Variants in ERG observed in about 807,000 individuals in gnomAD.
ERG encodes the protein ETS transcription factor ERG, also known as transcriptional regulator ERG.
In ERG, 9 loss-of-function variants were observed where a neutral mutation model predicts 55.3. The ratio of observed to expected loss-of-function variants is 0.16; its 90% CI spans 0.10 to 0.28. The LOEUF (loss-of-function observed/expected upper bound fraction) is 0.28, where lower values mean the gene tolerates loss of function less well. ERG is among the 10% of genes least tolerant of loss of function. ERG has a pLI of 1.00. For missense variants in ERG, 434 were observed against 631.6 expected, an observed-to-expected ratio of 0.69 and a Z score of 3.35; for synonymous variants, 223 against 237.3, an observed-to-expected ratio of 0.94 and a Z score of 0.55.
At chr21:38,418,285 G>GTGTGTGTGTC (rs1989375613) in intron 3 of ERG, among the ~76,000 whole-genome samples, 1 of 151,006 alleles carries the variant, frequency 6.6e-6, no homozygotes, top group Admixed American at 6.6e-5. Context: ...GTGTGTGTGT[G>GTGTGTGTGTC]TGTGTGTGTG....
At chr21:38,472,680 G>C (rs1270615940) in intron 1 of ERG, among the ~76,000 whole-genome samples, 1 of 152,100 alleles carries the variant, frequency 6.6e-6, no homozygotes, top group Non-Finnish European at 1.5e-5. Flanking sequence ...TCAGGAGGGA[G>C]AAAAAAGAAA....
chr21:38,412,979 A>C (rs1487559533), intron 3 of ERG, among the ~76,000 whole-genome samples: 1 of 152,128 alleles, frequency 6.6e-6, no homozygotes, highest in Non-Finnish European at 1.5e-5. Context: ...TTTCTGTATT[A>C]ATTTCTCAGC....
intron 2 of ERG, among the ~76,000 whole-genome samples, chr21:38,533,926 G>T (rs969881892): frequency 6.6e-6 from 1 of 152,058 alleles, no homozygotes; most frequent in East Asian, 1.9e-4. Context: ...GGGGAGTTAC[G>T]ATGTAAATAG....
intron 1 of ERG, among the ~76,000 whole-genome samples, chr21:38,593,204 G>C (rs1415931750): frequency 6.6e-6 from 1 of 152,146 alleles, no homozygotes; most frequent in Admixed American, 6.5e-5. Flanking sequence ...TCTGCCTGGG[G>C]CCCCCCTGTA....
intron 8 of ERG, among the ~76,000 whole-genome samples, chr21:38,391,282 A>ATAT (rs1406064935): frequency 1.3e-5 from 2 of 152,210 alleles, no homozygotes; most frequent in Non-Finnish European, 2.9e-5. Flanking sequence ...GGATCCTGAC[A>ATAT]TATAGCTCAA....
intron 2 of ERG, among the ~76,000 whole-genome samples, chr21:38,529,728 G>A (rs532999039): frequency 6.6e-6 from 1 of 152,260 alleles, no homozygotes; most frequent in Non-Finnish European, 1.5e-5. Context: ...ACTTTGGGAG[G>A]CTGAGGCAGG....
intron 1 of ERG, among the ~76,000 whole-genome samples, chr21:38,478,945 G>A (rs1407189044): frequency 3.3e-5 from 5 of 152,080 alleles, no homozygotes; most frequent in African/African-American, 1.2e-4. Context: ...AACTCCCCAC[G>A]TGTGCTTCTG....
intron 2 of ERG, among the ~76,000 whole-genome samples, chr21:38,521,456 A>C (rs1470675234): frequency 6.6e-6 from 1 of 152,146 alleles, no homozygotes; most frequent in Non-Finnish European, 1.5e-5. Context: ...GCCACCTCCA[A>C]AAAATGTGGG....
At chr21:38,641,451 T>C (rs993012304) in intron 1 of ERG, among the ~76,000 whole-genome samples, 2 of 152,206 alleles carry the variant, frequency 1.3e-5, no homozygotes, top group African/African-American at 4.8e-5. Context: ...TACAGTATTT[T>C]GTTATAGCAG....
At chr21:38,625,009 T>C (rs918598129) in intron 1 of ERG, among the ~76,000 whole-genome samples, 24 of 152,166 alleles carry the variant, frequency 1.6e-4, no homozygotes, top group African/African-American at 5.6e-4. Flanking sequence ...TATATTAATA[T>C]TAAATTCCTG....
At chr21:38,484,860 CT>C (rs2059268932) in intron 1 of ERG, among the ~76,000 whole-genome samples, 1 of 152,146 alleles carries the variant, frequency 6.6e-6, no homozygotes, top group Non-Finnish European at 1.5e-5. Context: ...TACAAACCTA[CT>C]GTGTTGCCAG....
chr21:38,659,371 C>G (rs1410926303), intron 1 of ERG, among the ~76,000 whole-genome samples: 2 of 152,250 alleles, frequency 1.3e-5, no homozygotes, highest in African/African-American at 4.8e-5. Context: ...TTCTTCGCAA[C>G]GTCTGTTGCC....
intron 6 of ERG, among the ~76,000 whole-genome samples, chr21:38,397,551 T>C (rs982169996): frequency 3.5e-4 from 48 of 137,154 alleles, no homozygotes; most frequent in African/African-American, 1.3e-3. Flanking sequence ...TGAGCCGAGA[T>C]TGCACCACTG....
At chr21:38,476,179 A>G (rs1266293913) in intron 1 of ERG, among the ~76,000 whole-genome samples, 1 of 152,154 alleles carries the variant, frequency 6.6e-6, no homozygotes, top group East Asian at 1.9e-4. Flanking sequence ...CTCGCTGCTT[A>G]GGTGTAGTCC....
intron 2 of ERG, among the ~76,000 whole-genome samples, chr21:38,551,429 G>A (rs2059823663): frequency 6.6e-6 from 1 of 151,930 alleles, no homozygotes; most frequent in South Asian, 2.1e-4. Context: ...AGTTCCTCCA[G>A]GTGTGACATT....
At chr21:38,572,868 GAA>G (rs2059967625) in intron 2 of ERG, among the ~76,000 whole-genome samples, 1 of 152,178 alleles carries the variant, frequency 6.6e-6, no homozygotes, top group African/African-American at 2.4e-5. Context: ...GTAGGGAAAA[GAA>G]AGAGAGATCT....
intron 2 of ERG, among the ~76,000 whole-genome samples, chr21:38,573,149 C>T (rs1427573840): frequency 1.3e-5 from 2 of 152,134 alleles, no homozygotes; most frequent in South Asian, 2.1e-4. Context: ...CATTCTCTAG[C>T]CTCAATAAAC....
rs2058850462 is a variant in ERG at position 38,442,447 on chromosome 21, T to G, written c.236+2957A>C. On this transcript the variant is annotated intron_variant, in intron 2 of 9. Coordinates refer to ENST00000288319, the MANE Select transcript of ERG (RefSeq NM_182918.4). ...TGTCCAGTTCCCCTGAAAAAGATGT[T>G]TCCCGGAAAGAGACCCTCAGCGCAG... 2.6e-5 allele frequency among the ~76,000 whole-genome samples: 4 copies of G among 152,260 alleles called. No individual in the cohort carries two copies. In the South Asian group the frequency reaches 8.3e-4, roughly 32 times the overall value.
chr21:38,460,056 T>C lies in ERG; in HGVS notation c.19-14435A>G, dbSNP rs1163535229. On this transcript the variant is annotated intron_variant, in intron 1 of 9. Transcript: ENST00000288319. The surrounding 1 kb of genome is among the most constrained non-coding windows in gnomAD (Gnocchi z 5.0). ...TGCTTTTCATTTAGAGTGGCCAGGGTGGTCCTGAGAAAACGCGAAGGAGGG... is the reference window on the plus strand; with the variant it reads ...TGCTTTTCATTTAGAGTGGCCAGGGCGGTCCTGAGAAAACGCGAAGGAGGG... Among the ~76,000 whole-genome samples the C allele has an allele frequency of 6.6e-6, 1 of 152,074 alleles. No individual in the cohort carries two copies. Among genetic ancestry groups the C allele is most frequent in the Non-Finnish European group, 1.5e-5 (1 of 68,012 alleles).
Sources: gnomAD v4.1 joint callset for allele counts (sites outside exome capture counted in the v4.1 genomes callset) on GRCh38, gnomAD v4.1.1 for gene constraint, Gnocchi (gnomAD v3.1) non-coding constraint, MANE v1.5 for transcripts, NCBI Gene and HGNC (gene_info 2026-07-23, HGNC 2026-07-21) for gene names.